ITGA9: variants seen among roughly 807,000 people sequenced by gnomAD.
The protein encoded by ITGA9 is integrin subunit alpha 9.
In ITGA9, 56 loss-of-function variants were observed where a neutral mutation model predicts 127.8. The observed-to-expected ratio is 0.44, with a 90% CI of 0.35 to 0.55. The LOEUF is 0.55. ITGA9 is among the 20% of genes least tolerant of loss of function. The pLI is 0.00. For synonymous variants in ITGA9, 508 were observed against 514.5 expected, an observed-to-expected ratio of 0.99 and a Z score of 0.17; for missense variants, 1,196 against 1,347.1, an observed-to-expected ratio of 0.89 and a Z score of 1.76.
chr3:37,472,381 AT>A (rs1391235369), intron 2 of ITGA9, among the ~76,000 whole-genome samples: 2 of 152,088 alleles, frequency 1.3e-5, no homozygotes, highest in African/African-American at 2.4e-5. Flanking sequence ...AGATTTTCTA[AT>A]TTTTTTGTTG....
intron 16 of ITGA9, among the ~76,000 whole-genome samples, chr3:37,650,622 G>A (rs1270290525): frequency 6.6e-6 from 1 of 151,984 alleles, no homozygotes; most frequent in East Asian, 1.9e-4. Context: ...AGTAGAGACA[G>A]GGTTTCACCA....
intron 16 of ITGA9, among the ~76,000 whole-genome samples, chr3:37,650,723 G>C (rs949608923): frequency 2.0e-5 from 3 of 152,080 alleles, no homozygotes; most frequent in African/African-American, 7.2e-5. Flanking sequence ...GAGCCACCAT[G>C]CCTGGCCCCA....
At chr3:37,774,040 A>G (rs896615555) in intron 23 of ITGA9, among the ~76,000 whole-genome samples, 1 of 152,154 alleles carries the variant, frequency 6.6e-6, no homozygotes, top group African/African-American at 2.4e-5. Flanking sequence ...ATCATCTACA[A>G]TTTGCCTAAT....
intron 27 of ITGA9, among the ~76,000 whole-genome samples, chr3:37,811,853 G>A (rs1306058503): frequency 6.6e-6 from 1 of 152,212 alleles, no homozygotes; most frequent in Non-Finnish European, 1.5e-5. Flanking sequence ...CTCTGAAAAG[G>A]GCTGCCTCAA....
chr3:37,593,010 G>A (rs141398928), intron 15 of ITGA9, among the ~76,000 whole-genome samples: 13 of 152,316 alleles, frequency 8.5e-5, no homozygotes, highest in Non-Finnish European at 1.8e-4. Context: ...TACAAAGCTA[G>A]TAGTTAGAAT....
Position 37,785,065 on chromosome 3 carries a change from C to T in ITGA9, c.2876C>T (p.Pro959Leu), listed in dbSNP as rs768744136. Residue 959 changes from proline (P) to leucine (L), a missense_variant, in exon 26 of 28, where the codon CCA (proline) becomes CTA (leucine). Pro to Leu is a moderately conservative substitution (Grantham distance 98). Transcript: ENST00000264741. ...LRVVEIAHGNPEEVTVVFEAL... is the reference protein window; with the variant it reads ...LRVVEIAHGNLEEVTVVFEAL... Reference sequence around the variant, plus strand: ...GTGGTGGAAATAGCTCATGGGAACCCAGAAGAGGTGACGGTGAGTCAGCCA... The same window carrying T: ...GTGGTGGAAATAGCTCATGGGAACCTAGAAGAGGTGACGGTGAGTCAGCCA... The T allele has an allele frequency of 6.2e-7, 1 of 1,613,460 alleles. No individual in the cohort carries two copies. The highest frequency in any genetic ancestry group is 8.5e-7 in the Non-Finnish European group (1 of 1,179,418).
At chr3:37,469,691 A>G (rs1341986913) in intron 1 of ITGA9, among the ~76,000 whole-genome samples, 1 of 151,600 alleles carries the variant, frequency 6.6e-6, no homozygotes, top group Non-Finnish European at 1.5e-5. Context: ...TGAGTATGCT[A>G]TTGTATCTGG....
At chr3:37,618,205 G>C (rs943911598) in intron 15 of ITGA9, among the ~76,000 whole-genome samples, 1 of 152,238 alleles carries the variant, frequency 6.6e-6, no homozygotes, top group Non-Finnish European at 1.5e-5. Flanking sequence ...CTGCAGGTCT[G>C]TTGGAGTTTG....
chr3:37,644,674 T>G (rs1049681720), intron 16 of ITGA9, among the ~76,000 whole-genome samples: 1 of 152,172 alleles, frequency 6.6e-6, no homozygotes, highest in African/African-American at 2.4e-5. Flanking sequence ...ATAGCAGAAC[T>G]TGTCATTTCT....
chr3:37,767,518 C>T (rs1696793303), intron 23 of ITGA9, among the ~76,000 whole-genome samples: 2 of 152,202 alleles, frequency 1.3e-5, no homozygotes, highest in South Asian at 4.1e-4. Context: ...CTTGCTCCAC[C>T]TGCTCTATCC....
intron 18 of ITGA9, among the ~76,000 whole-genome samples, chr3:37,716,219 G>T (rs978081371): frequency 6.6e-6 from 1 of 152,158 alleles, no homozygotes; most frequent in Non-Finnish European, 1.5e-5. Context: ...CACACAGGTG[G>T]TGGCATCTGG....
chr3:37,556,710 A>C (rs1699434387), intron 15 of ITGA9, among the ~76,000 whole-genome samples: 1 of 152,246 alleles, frequency 6.6e-6, no homozygotes, highest in South Asian at 2.1e-4. Context: ...TCGAAGACAT[A>C]GATACCAAAA....
Position 37,793,535 on chromosome 3 carries a change from C to T in ITGA9, c.2889+8457C>T, listed in dbSNP as rs761313612. 1.3e-4 allele frequency among the ~76,000 whole-genome samples: 20 copies of T among 151,892 alleles called. 1 individual carries two copies. The highest frequency in any genetic ancestry group is 4.2e-4 in the South Asian group (2 of 4,792). On this transcript the variant is annotated intron_variant, in intron 26 of 27. Coordinates refer to ENST00000264741, the MANE Select transcript of ITGA9 (RefSeq NM_002207.3). ...CAGGTTTCACAGAAGGAGTGACCCC[C>T]GAACAAGTATTGAAGGAATTTCCCA...
At chr3:37,512,200 TTTTCTTTTCTTTCTTTCTTTCTTC>T (rs1698937709) in intron 8 of ITGA9, among the ~76,000 whole-genome samples, 1 of 73,866 alleles carries the variant, frequency 1.4e-5, no homozygotes, top group Admixed American at 1.7e-4. Context: ...TTTTCTTTTC[TTTTCTTTTCTTTCTTTCTTTCTTC>T]TTTCTTTTCT....
intron 15 of ITGA9, among the ~76,000 whole-genome samples, chr3:37,605,520 C>G (rs563821115): frequency 1.4e-4 from 22 of 152,296 alleles, no homozygotes; most frequent in African/African-American, 4.6e-4. Flanking sequence ...CTACTTCATT[C>G]CTATGCAACT....
intron 17 of ITGA9, among the ~76,000 whole-genome samples, chr3:37,681,957 T>C (rs1211800530): frequency 6.6e-6 from 1 of 152,146 alleles, no homozygotes; most frequent in African/African-American, 2.4e-5. Flanking sequence ...CATCTACTAA[T>C]GCATCTTCAG....
intron 18 of ITGA9, among the ~76,000 whole-genome samples, chr3:37,699,427 A>C (rs1700922326): frequency 6.6e-6 from 1 of 151,984 alleles, no homozygotes; most frequent in South Asian, 2.1e-4. Flanking sequence ...TCTCTCATAC[A>C]CCACATCTAT....
chr3:37,538,044 T>A (rs539162670), intron 14 of ITGA9, among the ~76,000 whole-genome samples: 1 of 152,148 alleles, frequency 6.6e-6, no homozygotes, highest in South Asian at 2.1e-4. Context: ...AGCCTAAACT[T>A]GCTTGTCAAT....
At chr3:37,600,034 G>A (rs1241524070) in intron 15 of ITGA9, among the ~76,000 whole-genome samples, 7 of 152,114 alleles carry the variant, frequency 4.6e-5, no homozygotes, top group African/African-American at 2.4e-5. Flanking sequence ...GTGGGAAAGC[G>A]GGACTCTTAT....
Sources: gnomAD v4.1 joint callset for allele counts (sites outside exome capture counted in the v4.1 genomes callset) on GRCh38, gnomAD v4.1.1 for gene constraint, MANE v1.5 for transcripts, NCBI Gene and HGNC (gene_info 2026-07-23, HGNC 2026-07-21) for gene names.